Variants in PPP3CC observed in about 807,000 individuals in gnomAD.
PPP3CC encodes serine/threonine-protein phosphatase 2B catalytic subunit gamma isoform.
In PPP3CC, 35 loss-of-function variants were observed where a neutral mutation model predicts 60.3. The ratio of observed to expected loss-of-function variants is 0.58; its 90% confidence interval spans 0.44 to 0.77. The LOEUF (loss-of-function observed/expected upper bound fraction) is 0.77, where lower values mean the gene tolerates loss of function less well. Among genes scored for constraint, PPP3CC ranks in the 30% least tolerant of loss-of-function variants. The probability of loss-of-function intolerance (pLI) is 0.00; values close to 1 mark genes in which losing one functional copy is unlikely to be tolerated. For synonymous variants in PPP3CC, 206 were observed against 224.3 expected (o/e 0.92, Z 0.73); for missense variants, 570 against 628.9 (o/e 0.91, Z 1.00).
intron 4 of PPP3CC, among the ~76,000 whole-genome samples, chr8:22,504,897 GTATT>G (rs975644822): frequency 5.3e-5 from 8 of 150,616 alleles, no homozygotes; most frequent in Non-Finnish European, 1.0e-4. Flanking sequence ...ATGTTTTTAT[GTATT>G]TATTTATTTA....
intron 12 of PPP3CC, among the ~76,000 whole-genome samples, chr8:22,536,019 A>G (rs944469501): frequency 6.6e-6 from 1 of 152,230 alleles, no homozygotes; most frequent in East Asian, 1.9e-4. Flanking sequence ...GGCGTGAGCC[A>G]CCGTGCCCAG....
chr8:22,525,599 T>G (rs1036990906), intron 8 of PPP3CC, among the ~76,000 whole-genome samples: 7 of 150,980 alleles, frequency 4.6e-5, no homozygotes, highest in African/African-American at 1.7e-4. Context: ...TCTCTGTCAC[T>G]TAGGTTGGAG....
chr8:22,471,353 A>T (rs1837715503), intron 1 of PPP3CC, among the ~76,000 whole-genome samples: 1 of 143,042 alleles, frequency 7.0e-6, no homozygotes, highest in African/African-American at 2.7e-5. Flanking sequence ...ATGGTCCCCT[A>T]TTCTAAGGTA....
intron 1 of PPP3CC, among the ~76,000 whole-genome samples, chr8:22,457,394 C>G (rs1837235300): frequency 6.6e-6 from 1 of 151,428 alleles, no homozygotes; most frequent in African/African-American, 2.4e-5. Context: ...CCTCCGCCTC[C>G]TAGGTTCAAG....
intron 1 of PPP3CC, among the ~76,000 whole-genome samples, chr8:22,463,385 A>T (rs1837420495): frequency 6.6e-6 from 1 of 152,216 alleles, no homozygotes; most frequent in Non-Finnish European, 1.5e-5. Flanking sequence ...TGATACAAAC[A>T]TTTACAAAAG....
intron 6 of PPP3CC, among the ~76,000 whole-genome samples, chr8:22,515,370 C>T (rs1231629336): frequency 1.3e-5 from 2 of 152,206 alleles, no homozygotes; most frequent in African/African-American, 4.8e-5. Flanking sequence ...GTCCTTTCAT[C>T]TGTTAATAGA....
At chr8:22,523,553 T>A (rs1175611777) in intron 8 of PPP3CC, 2 of 358,066 alleles carry the variant, frequency 5.6e-6, no homozygotes, top group Non-Finnish European at 1.1e-5. Context: ...CCCTTCAAAG[T>A]AGTTACCTTG....
intron 1 of PPP3CC, among the ~76,000 whole-genome samples, chr8:22,464,419 G>T (rs946587606): frequency 1.3e-5 from 2 of 152,202 alleles, no homozygotes; most frequent in Admixed American, 1.3e-4. Context: ...TCGCTCAGCT[G>T]TCTAGGCTGG....
At chr8:22,462,305 T>G (rs1473714241) in intron 1 of PPP3CC, among the ~76,000 whole-genome samples, 6 of 152,310 alleles carry the variant, frequency 3.9e-5, no homozygotes, top group East Asian at 1.9e-4. Flanking sequence ...CATTGCGGTT[T>G]GGTTTGGTTC....
intron 1 of PPP3CC, among the ~76,000 whole-genome samples, chr8:22,472,363 A>AACACACACACAC (rs71546810): frequency 0.059 from 7,437 of 125,612 alleles, 361 homozygotes; most frequent in East Asian, 0.08. Flanking sequence ...GGTAAAAATG[A>AACACACACACAC]ACACACACAC....
At chr8:22,531,527 C>A (rs1445181682) in intron 10 of PPP3CC, among the ~76,000 whole-genome samples, 1 of 152,094 alleles carries the variant, frequency 6.6e-6, no homozygotes, top group East Asian at 1.9e-4. Flanking sequence ...AAGGAGAGGC[C>A]ATGTTTCTTT....
intron 6 of PPP3CC, 118 bp from the exon 7 acceptor site, chr8:22,522,373 G>A (rs145444893): frequency 7.4e-5 from 53 of 718,366 alleles, no homozygotes; most frequent in African/African-American, 2.7e-4. Context: ...TTTCAGTAGT[G>A]TGTAATACTT....
intron 1 of PPP3CC, among the ~76,000 whole-genome samples, chr8:22,449,931 A>G (rs1836957653): frequency 1.3e-5 from 2 of 150,460 alleles, no homozygotes; most frequent in South Asian, 4.2e-4. Flanking sequence ...CAGTGGCGCA[A>G]TCTCGGCTCA....
At chr8:22,447,609 G>A (rs544041083) in intron 1 of PPP3CC, among the ~76,000 whole-genome samples, 18 of 152,118 alleles carry the variant, frequency 1.2e-4, no homozygotes, top group African/African-American at 4.1e-4. Flanking sequence ...GAGCCACTGC[G>A]CCCTGCCTTT....
intron 3 of PPP3CC, among the ~76,000 whole-genome samples, chr8:22,493,468 G>T (rs1838468078): frequency 6.6e-6 from 1 of 151,948 alleles, no homozygotes; most frequent in African/African-American, 2.4e-5. Flanking sequence ...GAATGTGAAG[G>T]CCTAAGACTT....
intron 1 of PPP3CC, among the ~76,000 whole-genome samples, chr8:22,464,411 G>C (rs1000401828): frequency 6.6e-6 from 1 of 152,036 alleles, no homozygotes; most frequent in African/African-American, 2.4e-5. Flanking sequence ...ACAGGGTCTC[G>C]CTCAGCTGTC....
At chr8:22,461,209 A>G (rs1837353291) in intron 1 of PPP3CC, among the ~76,000 whole-genome samples, 1 of 152,196 alleles carries the variant, frequency 6.6e-6, no homozygotes, top group Admixed American at 6.5e-5. Flanking sequence ...CCACATATGA[A>G]GTTTGTTTTT....
Position 22,498,099 on chromosome 8 carries a change from C to G in PPP3CC, c.471C>G (p.Thr157=), listed in dbSNP as rs757551103. ...GCAGGCATCTTACAGACTATTTCAC[C>G]TTCAAACAGGAATGTAAGTATAATC... ...HECRHLTDYF[T]FKQECRIKYS... Residue 157 remains threonine (T), a synonymous_variant, in exon 4 of 14, where the codon ACC becomes ACG. Coordinates refer to ENST00000240139, the MANE Select transcript of PPP3CC (RefSeq NM_005605.5). The G allele has an allele frequency of 9.3e-6, 15 of 1,606,016 alleles. No individual in the cohort carries two copies. The Admixed American group carries it at 1.8e-4, about 20-fold the overall frequency.
At chr8:22,479,453 C>A (rs937738179) in intron 3 of PPP3CC, among the ~76,000 whole-genome samples, 1 of 151,932 alleles carries the variant, frequency 6.6e-6, no homozygotes, top group African/African-American at 2.4e-5. Context: ...AAGCATTTTT[C>A]TGTATTGTTT....
Sources: allele counts gnomAD v4.1 joint callset (sites outside exome capture counted in the v4.1 genomes callset), GRCh38; gene constraint gnomAD v4.1.1; transcripts MANE v1.5; gene names NCBI Gene and HGNC (gene_info 2026-07-23, HGNC 2026-07-21).